CACNA1E: variants seen among roughly 807,000 people sequenced by gnomAD.
CACNA1E encodes the protein calcium voltage-gated channel subunit alpha1 E, also known as voltage-dependent R-type calcium channel subunit alpha-1E.
Under a neutral mutation model 259.2 loss-of-function variants are expected in CACNA1E, and 40 were observed. The observed-to-expected ratio is 0.15, with a 90% confidence interval of 0.12 to 0.20. CACNA1E has a LOEUF of 0.20. Among genes scored for constraint, CACNA1E ranks in the 10% least tolerant of loss-of-function variants. CACNA1E has a pLI of 1.00. For missense variants in CACNA1E, 1,874 were observed against 3,040.1 expected, an observed-to-expected ratio of 0.62 and a Z score of 9.02; for synonymous variants, 1,104 against 1,138.5, an observed-to-expected ratio of 0.97 and a Z score of 0.61.
intron 6 of CACNA1E, among the ~76,000 whole-genome samples, chr1:181,636,130 A>T (rs1011524658): frequency 6.6e-6 from 1 of 152,216 alleles, no homozygotes; most frequent in Non-Finnish European, 1.5e-5. Flanking sequence ...ACTGAGCTTA[A>T]CCTATTTAAA....
chr1:181,803,641 C>T lies in CACNA1E; in HGVS notation c.*4807C>T, dbSNP rs1662434993. On this transcript the variant is annotated 3_prime_UTR_variant, in exon 48 of 48. Transcript: ENST00000367573. Reference sequence around the variant, plus strand: ...TCAGCTGTTAGGTGCTACAGCCCACCCAGTCAGAGTACATAGACATAGCGC... The same window carrying T: ...TCAGCTGTTAGGTGCTACAGCCCACTCAGTCAGAGTACATAGACATAGCGC... 3 of 152,194 alleles carry T rather than the reference C, an allele frequency of 2.0e-5. No individual in the cohort carries two copies. The highest frequency in any genetic ancestry group is 6.5e-5 in the Admixed American group (1 of 15,284). 9.4% of individuals were successfully genotyped at this position (152,194 alleles called of 1,614,324 possible).
intron 1 of CACNA1E, 39 bp from the exon 2 acceptor site, chr1:181,510,438 C>A (rs1322871203): frequency 7.2e-7 from 1 of 1,381,886 alleles, no homozygotes; most frequent in Non-Finnish European, 1.0e-6. Context: ...AGGCTGTGTC[C>A]CTCTCTGGTG....
upstream of CACNA1E, among the ~76,000 whole-genome samples, chr1:181,483,064 C>T (rs186834537): frequency 5.3e-5 from 8 of 152,366 alleles, no homozygotes; most frequent in East Asian, 1.5e-3. Flanking sequence ...ACCTCAATAT[C>T]GCTCTCCCCA....
chr1:181,664,763 G>A (rs578116325), intron 7 of CACNA1E, among the ~76,000 whole-genome samples: 2 of 152,130 alleles, frequency 1.3e-5, no homozygotes, highest in South Asian at 4.2e-4. Context: ...GGGGTGGAGA[G>A]GTGAAGTCAT....
Position 181,711,122 on chromosome 1 carries a change from G to A in CACNA1E, c.1171+53G>A. The A allele has an allele frequency of 2.4e-6, 3 of 1,231,556 alleles. No individual in the cohort carries two copies. The South Asian group carries it at 3.6e-5, about 15-fold the overall frequency. 76.3% of individuals were successfully genotyped at this position (1,231,556 alleles called of 1,614,324 possible). On this transcript the variant is annotated intron_variant, in intron 8 of 47. Transcript: ENST00000367573. ...GTGAGTGGGCTGCAGAGACATCAGGGCCGGCCCCTCACTCCCAATGCTCCC... is the reference window on the plus strand; with the variant it reads ...GTGAGTGGGCTGCAGAGACATCAGGACCGGCCCCTCACTCCCAATGCTCCC...
Position 181,807,502 on chromosome 1 carries a change from C to G in CACNA1E, c.*8668C>G, listed in dbSNP as rs887898557. ...CCTTGCCACAGGGAAAGCAGCAAGC[C>G]CCAGGCCCAGGCCTCCATTTGATTT... On this transcript the variant is annotated 3_prime_UTR_variant, in exon 48 of 48. Transcript: ENST00000367573. 18 of 152,002 alleles carry G rather than the reference C, an allele frequency of 1.2e-4. No homozygotes were observed. The highest frequency in any genetic ancestry group is 3.9e-4 in the African/African-American group (16 of 41,370). 9.4% of individuals were successfully genotyped at this position (152,002 alleles called of 1,614,324 possible).
chr1:181,598,959 G>A (rs1224649667), intron 6 of CACNA1E, among the ~76,000 whole-genome samples: 1 of 150,094 alleles, frequency 6.7e-6, no homozygotes, highest in South Asian at 2.1e-4. Flanking sequence ...TCTAAATTTT[G>A]TTTTAAGTTC....
At chr1:181,741,616 T>C (rs772991380) in intron 25 of CACNA1E, among the ~76,000 whole-genome samples, 4 of 152,148 alleles carry the variant, frequency 2.6e-5, no homozygotes, top group South Asian at 4.1e-4. Flanking sequence ...GGTGCCAGTG[T>C]GGGAGGAGGT....
At chr1:181,698,477 A>G (rs895022780) in intron 7 of CACNA1E, among the ~76,000 whole-genome samples, 3 of 152,198 alleles carry the variant, frequency 2.0e-5, no homozygotes, top group African/African-American at 7.2e-5. Context: ...TAGGAAATTG[A>G]ACTTCAGAAA....
intron 1 of CACNA1E, among the ~76,000 whole-genome samples, chr1:181,347,735 T>C (rs891497999): frequency 1.3e-5 from 2 of 152,354 alleles, no homozygotes; most frequent in Admixed American, 1.3e-4. Flanking sequence ...GGTGATGGAA[T>C]TGGTGACAGC....
intron 6 of CACNA1E, among the ~76,000 whole-genome samples, chr1:181,606,221 G>A (rs951177554): frequency 6.6e-5 from 10 of 152,062 alleles, no homozygotes; most frequent in Non-Finnish European, 1.3e-4. Flanking sequence ...GCTACTGTTA[G>A]CACCGTTCTA....
Position 181,785,328 on chromosome 1 carries a change from G to A in CACNA1E, c.5589G>A (p.Leu1863=). 1 of 1,611,332 alleles carries A rather than the reference G, an allele frequency of 6.2e-7. No individual in the cohort carries two copies. The highest frequency in any genetic ancestry group is 8.5e-7 in the Non-Finnish European group (1 of 1,177,704). ...LLVPMPKASD[L]TVGKIYAAMM... ...CATTTGTGTTTCTAGCCTCTGACCT[G>A]ACTGTGGGCAAAATCTATGCAGCAA... The change falls in exon 42 of 48, where the codon CTG becomes CTA. Residue 1863 remains leucine, a synonymous_variant. Coordinates refer to ENST00000367573, the MANE Select transcript of CACNA1E (RefSeq NM_001205293.3).
At chr1:181,736,528 C>T (rs1656050107) in intron 22 of CACNA1E, 94 bp downstream of exon 22, 3 of 1,170,318 alleles carry the variant, frequency 2.6e-6, no homozygotes, top group South Asian at 3.1e-5. Context: ...GGATGGGGGC[C>T]CAGCCATCTT....
intron 3 of CACNA1E, among the ~76,000 whole-genome samples, chr1:181,534,112 G>C (rs959779385): frequency 1.3e-5 from 2 of 152,064 alleles, no homozygotes; most frequent in African/African-American, 4.8e-5. Context: ...GTAATAGAAG[G>C]CTGTCTTATT....
chr1:181,767,648 T>G (rs1038930769), intron 35 of CACNA1E, among the ~76,000 whole-genome samples: 1 of 152,246 alleles, frequency 6.6e-6, no homozygotes, highest in Non-Finnish European at 1.5e-5. Flanking sequence ...CTTCTTGGTT[T>G]CATTCTTTAA....
At chr1:181,373,663 A>G (rs1025763181) in intron 1 of CACNA1E, among the ~76,000 whole-genome samples, 13 of 148,782 alleles carry the variant, frequency 8.7e-5, no homozygotes, top group East Asian at 4.0e-4. Context: ...TCAGCCTCCC[A>G]AGTAGCTGGG....
chr1:181,454,397 C>G (rs1661332552), intron 2 of CACNA1E, among the ~76,000 whole-genome samples: 3 of 152,174 alleles, frequency 2.0e-5, no homozygotes, highest in Admixed American at 2.0e-4. Flanking sequence ...TGAAAGGGAC[C>G]TTTCAATATA....
chr1:181,773,213 C>T (rs1332166119), intron 37 of CACNA1E, among the ~76,000 whole-genome samples: 1 of 152,290 alleles, frequency 6.6e-6, no homozygotes, highest in East Asian at 1.9e-4. Context: ...TCCAGCTCTC[C>T]AGTGAGGGGG....
At position 181,783,672 on chromosome 1, in the gene CACNA1E, C is replaced by A; in HGVS notation, c.5365-7C>A. ...TGCCTGCTGTTTCTTTTTTCTCTTT[C>A]ACACAGAGGTTGGTCCTGATGAACA... is the stretch of plus-strand genomic sequence containing the variant. On this transcript the variant is annotated splice_region_variant and splice_polypyrimidine_tract_variant and intron_variant, in intron 39 of 47. Coordinates refer to ENST00000367573, the MANE Select transcript of CACNA1E (RefSeq NM_001205293.3). 7.8e-6 allele frequency: 11 copies of A among 1,416,970 alleles called. No individual in the cohort carries two copies. Among genetic ancestry groups the A allele is most frequent in the East Asian group, 2.4e-5 (1 of 41,182 alleles). 87.8% of individuals were successfully genotyped at this position (1,416,970 alleles called of 1,614,324 possible).
Sources: allele counts gnomAD v4.1 joint callset (sites outside exome capture counted in the v4.1 genomes callset), GRCh38; gene constraint gnomAD v4.1.1; transcripts MANE v1.5; gene names NCBI Gene and HGNC (gene_info 2026-07-23, HGNC 2026-07-21).